Variants in CSMD3 observed in about 807,000 individuals in gnomAD.
The protein encoded by CSMD3 is CUB and Sushi multiple domains 3, also known as CUB and sushi domain-containing protein 3.
CSMD3 carries 177 observed loss-of-function variants against 435.2 expected under a neutral mutation model. The observed-to-expected ratio is 0.41, with a 90% CI of 0.36 to 0.46. The LOEUF (loss-of-function observed/expected upper bound fraction) is 0.46, where lower values mean the gene tolerates loss of function less well. CSMD3 is among the 20% of genes least tolerant of loss of function. CSMD3 has a pLI of 0.34. For missense variants in CSMD3, 4,265 were observed against 4,504.6 expected, an observed-to-expected ratio of 0.95 and a Z score of 1.52; for synonymous variants, 1,656 against 1,520.5, an observed-to-expected ratio of 1.09 and a Z score of -2.07.
intron 3 of CSMD3, among the ~76,000 whole-genome samples, chr8:113,261,515 T>G (rs1210326734): frequency 6.6e-6 from 1 of 152,084 alleles, no homozygotes; most frequent in Non-Finnish European, 1.5e-5. Context: ...CTACCTCCCT[T>G]AGCCTCTGTG....
chr8:112,631,642 T>A (rs1376575867), intron 22 of CSMD3, among the ~76,000 whole-genome samples: 1 of 152,042 alleles, frequency 6.6e-6, no homozygotes, highest in African/African-American at 2.4e-5. Flanking sequence ...AATAAACTCT[T>A]TAAAAAATGT....
At chr8:112,735,542 C>T (rs1174597741) in intron 13 of CSMD3, among the ~76,000 whole-genome samples, 3 of 151,932 alleles carry the variant, frequency 2.0e-5, no homozygotes, top group East Asian at 1.9e-4. Flanking sequence ...GTGTTCTAGA[C>T]TGGAAATACA....
At chr8:112,925,008 T>A (rs1030811754) in intron 9 of CSMD3, among the ~76,000 whole-genome samples, 4 of 152,156 alleles carry the variant, frequency 2.6e-5, no homozygotes, top group Non-Finnish European at 1.5e-5. Context: ...TCTGTATTCC[T>A]CCATTTGTCC....
chr8:113,405,715 GC>G (rs998411116), intron 1 of CSMD3, among the ~76,000 whole-genome samples: 11 of 151,608 alleles, frequency 7.3e-5, no homozygotes, highest in African/African-American at 2.4e-4. Flanking sequence ...CTATGGATGA[GC>G]AAATTATAAG....
intron 5 of CSMD3, among the ~76,000 whole-genome samples, chr8:113,079,041 GATT>G (rs544307888): frequency 8.0e-4 from 121 of 152,182 alleles, no homozygotes; most frequent in African/African-American, 2.7e-3. Context: ...TTTGAGCAAA[GATT>G]ATTATTATAA....
intron 6 of CSMD3, among the ~76,000 whole-genome samples, chr8:112,998,374 C>T (rs139075457): frequency 1.6e-3 from 250 of 151,932 alleles, no homozygotes; most frequent in African/African-American, 5.8e-3. Flanking sequence ...CTTCTTTGCT[C>T]GCCTGAACCA....
chr8:112,809,717 C>T (rs1027985421), intron 12 of CSMD3, among the ~76,000 whole-genome samples: 2 of 152,088 alleles, frequency 1.3e-5, no homozygotes, highest in African/African-American at 4.8e-5. Flanking sequence ...CCTAACTAAA[C>T]TTTAGAAAAT....
chr8:112,642,157 C>T (rs1005637740), intron 20 of CSMD3, among the ~76,000 whole-genome samples: 5 of 151,912 alleles, frequency 3.3e-5, no homozygotes, highest in Non-Finnish European at 5.9e-5. Context: ...TATAGTCATG[C>T]CACCAGCTAT....
At chr8:113,277,936 G>C (rs2093584132) in intron 3 of CSMD3, among the ~76,000 whole-genome samples, 1 of 151,796 alleles carries the variant, frequency 6.6e-6, no homozygotes, top group Admixed American at 6.6e-5. Flanking sequence ...TAGAGCCTGG[G>C]CACCATCCCA....
intron 13 of CSMD3, among the ~76,000 whole-genome samples, chr8:112,787,163 T>C (rs958262735): frequency 1.3e-5 from 2 of 152,182 alleles, no homozygotes; most frequent in African/African-American, 4.8e-5. Flanking sequence ...TTCCAAGTCT[T>C]TGCTATTGTG....
rs116624002 is a variant in CSMD3, at chr8:112,509,071, G to A, written c.4757-2242C>T. Among the ~76,000 whole-genome samples the A allele has an allele frequency of 2.6e-3, 393 of 150,862 alleles. 2 individuals carry two copies. Among genetic ancestry groups the A allele is most frequent in the African/African-American group, 8.9e-3 (368 of 41,176 alleles). On this transcript the variant is annotated intron_variant, in intron 28 of 70. Coordinates refer to ENST00000297405, the MANE Select transcript of CSMD3 (RefSeq NM_198123.2). Reference sequence around the variant, plus strand: ...CAATAACCTTTCTATTACTTAGAGAGTCTAGATTAGATGTCTTTTTTTTTT... The same window carrying A: ...CAATAACCTTTCTATTACTTAGAGAATCTAGATTAGATGTCTTTTTTTTTT...
chr8:112,295,997 C>T lies in CSMD3; in HGVS notation c.8450G>A (p.Cys2817Tyr), dbSNP rs1820222385. The change falls in exon 54 of 71, where the codon TGT (cysteine) becomes TAT (tyrosine). Residue 2817 changes from cysteine to tyrosine, a missense_variant. Physicochemically the swap from Cys to Tyr is radical, Grantham distance 194. Around this residue, in one of 3 missense-constraint regions of CSMD3, gnomAD observed 3,255 missense variants for 3,380.2 expected, o/e 0.96. Coordinates refer to ENST00000297405, the MANE Select transcript of CSMD3 (RefSeq NM_198123.2). Reference protein sequence around the residue: ...ESETRCLAGHCGIPELIVNGQ... With the variant: ...ESETRCLAGHYGIPELIVNGQ... ...ATTCACAATCAGTTCTGGAATTCCA[C>T]AATGACCCGCTGAAATACGTTATAA... The T allele has an allele frequency of 6.2e-7, 1 of 1,611,852 alleles. No individual in the cohort carries two copies. Among genetic ancestry groups the T allele is most frequent in the African/African-American group, 1.3e-5 (1 of 74,858 alleles).
chr8:112,595,155 C>T (rs1470206259), intron 22 of CSMD3, among the ~76,000 whole-genome samples: 236 of 148,422 alleles, frequency 1.6e-3, no homozygotes, highest in African/African-American at 5.2e-3. Context: ...ATAACCAATA[C>T]AGAGAAGTGC....
rs541742250 is a variant in CSMD3, at chr8:113,163,879, G to A, written c.709+9843C>T. ...GGCATTGTTTATATGTCAGTAAAAA[G>A]AGGTAATACAAACCTGACCTGAGAA... is the stretch of plus-strand genomic sequence containing the variant. On this transcript the variant is annotated intron_variant, in intron 4 of 70. Transcript: ENST00000297405. 2.5e-4 allele frequency among the ~76,000 whole-genome samples: 38 copies of A among 152,108 alleles called. No individual in the cohort carries two copies. The East Asian group carries it at 7.3e-3, about 29-fold the overall frequency.
chr8:113,317,606 T>C (rs971208715), intron 1 of CSMD3, among the ~76,000 whole-genome samples: 30 of 152,216 alleles, frequency 2.0e-4, no homozygotes, highest in African/African-American at 7.0e-4. Context: ...CATTATTCTC[T>C]AGAATAAAGT....
At chr8:112,494,572 TTTTC>T (rs1357885226) in intron 30 of CSMD3, among the ~76,000 whole-genome samples, 2 of 130,864 alleles carry the variant, frequency 1.5e-5, no homozygotes, top group African/African-American at 6.2e-5. Context: ...TCTTTCTTTC[TTTTC>T]TTTCTTTCTC....
intron 3 of CSMD3, among the ~76,000 whole-genome samples, chr8:113,181,808 T>A (rs1056539313): frequency 3.9e-5 from 6 of 152,074 alleles, no homozygotes; most frequent in Non-Finnish European, 8.8e-5. Context: ...TGGAATAATG[T>A]TGCATTTAGC....
chr8:113,059,809 A>T (rs1027110078), intron 5 of CSMD3, among the ~76,000 whole-genome samples: 1 of 152,146 alleles, frequency 6.6e-6, no homozygotes, highest in Non-Finnish European at 1.5e-5. Flanking sequence ...CTGGGTGTTC[A>T]TTGGAAACAG....
At chr8:112,595,145 A>G (rs1471936844) in intron 22 of CSMD3, among the ~76,000 whole-genome samples, 1 of 148,440 alleles carries the variant, frequency 6.7e-6, no homozygotes, top group East Asian at 2.0e-4. Context: ...TATAACTAGA[A>G]TAACCAATAC....
Sources: allele counts gnomAD v4.1 joint callset (sites outside exome capture counted in the v4.1 genomes callset), GRCh38; gene constraint gnomAD v4.1.1; regional missense constraint gnomAD v4.1.1; transcripts MANE v1.5; gene names NCBI Gene and HGNC (gene_info 2026-07-23, HGNC 2026-07-21).